Variants in UBP1 observed in about 807,000 individuals in gnomAD.
The protein encoded by UBP1 is upstream-binding protein 1.
UBP1 carries 22 observed loss-of-function variants against 76.1 expected under a neutral mutation model. That is an observed-to-expected ratio of 0.29 (90% CI 0.21 to 0.41). UBP1 has a LOEUF of 0.41. Ranked by LOEUF, UBP1 falls within the 10% of genes least tolerant of loss-of-function variation. The probability of loss-of-function intolerance (pLI) is 1.00; values close to 1 mark genes in which losing one functional copy is unlikely to be tolerated. For missense variants in UBP1, 436 were observed against 668.1 expected (o/e 0.65, Z 3.83); for synonymous variants, 224 against 237.1 (o/e 0.94, Z 0.51).
intron 4 of UBP1, 21 bp downstream of exon 4, chr3:33,412,701 T>A (rs1043945189): frequency 2.0e-6 from 3 of 1,476,084 alleles, no homozygotes; most frequent in Non-Finnish European, 1.9e-6. Flanking sequence ...ATCTCCATGG[T>A]CTTTTGATCA....
chr3:33,399,089 A>T (rs1238078343), intron 11 of UBP1, among the ~76,000 whole-genome samples: 1 of 152,260 alleles, frequency 6.6e-6, no homozygotes, highest in African/African-American at 2.4e-5. Context: ...GAGTGTGTGC[A>T]CACACAAGTT....
At position 33,396,215 on chromosome 3, in the gene UBP1, C is replaced by G. The variant is rs1559667623; in HGVS notation, c.1337G>C (p.Gly446Ala). ...TGCACTGCTTGCAGCTTGCTGCTGCCCTTGCAGCACTGTGCTGCTTGGCTG... is the reference window on the plus strand; with the variant it reads ...TGCACTGCTTGCAGCTTGCTGCTGCGCTTGCAGCACTGTGCTGCTTGGCTG... ...REQPSSTVLQ[G>A]QQQAASSASE... The change falls in exon 13 of 16, where the codon GGG becomes GCG. Residue 446 changes from glycine to alanine, a missense_variant. By Grantham distance (60) the Gly-to-Ala change is moderately conservative. Around this residue, in one of 3 missense-constraint regions of UBP1, gnomAD observed 210 missense variants for 272.8 expected, o/e 0.77. Transcript: ENST00000283629. The G allele has an allele frequency of 1.3e-6, 2 of 1,594,970 alleles. No individual in the cohort carries two copies. The highest frequency in any genetic ancestry group is 1.7e-6 in the Non-Finnish European group (2 of 1,164,638).
intron 8 of UBP1, among the ~76,000 whole-genome samples, chr3:33,407,586 G>A (rs1463327237): frequency 6.7e-6 from 1 of 150,236 alleles, no homozygotes; most frequent in Non-Finnish European, 1.5e-5. Context: ...AAAATGTAAC[G>A]TGTGCTTCCA....
intron 1 of UBP1, among the ~76,000 whole-genome samples, chr3:33,428,848 A>G (rs983399485): frequency 2.7e-5 from 4 of 148,336 alleles, no homozygotes; most frequent in African/African-American, 1.0e-4. Flanking sequence ...CTGCTCTTCA[A>G]CCCCTCTTCT....
At chr3:33,427,769 C>T (rs148225502) in intron 1 of UBP1, among the ~76,000 whole-genome samples, 1,997 of 152,342 alleles carry the variant, frequency 0.013, 26 homozygotes, top group Middle Eastern at 0.065. Flanking sequence ...CTCCTACGTA[C>T]ACAAGTAATA....
upstream of UBP1, chr3:33,440,887 C>A (rs983513286): frequency 2.0e-5 from 3 of 152,264 alleles, no homozygotes. Flanking sequence ...CTGCTTTATG[C>A]CCTCTCTACC....
At chr3:33,429,845 CAG>C (rs2045084096) in intron 1 of UBP1, among the ~76,000 whole-genome samples, 1 of 152,194 alleles carries the variant, frequency 6.6e-6, no homozygotes, top group African/African-American at 2.4e-5. Flanking sequence ...TAGTGTGAGG[CAG>C]AGACTGCACT....
At chr3:33,420,479 C>CA (rs2044859283) in intron 2 of UBP1, among the ~76,000 whole-genome samples, 1 of 148,506 alleles carries the variant, frequency 6.7e-6, no homozygotes, top group Admixed American at 6.8e-5. Flanking sequence ...GTGTGTGCCA[C>CA]CATACTGGCT....
At chr3:33,390,597 C>A (rs967439063) in intron 15 of UBP1, 30 of 580,888 alleles carry the variant, frequency 5.2e-5, no homozygotes, top group Non-Finnish European at 7.7e-5. Context: ...CTATCAACGC[C>A]CGCATTCCAA....
Position 33,400,343 on chromosome 3 carries a change from A to G in UBP1, c.1087-61T>C, listed in dbSNP as rs534641104. 4.5e-5 allele frequency: 61 copies of G among 1,344,574 alleles called. 2 individuals are homozygous for G. In the South Asian group the frequency reaches 8.4e-4, roughly 19 times the overall value. 83.3% of individuals were successfully genotyped at this position (1,344,574 alleles called of 1,614,324 possible). On this transcript the variant is annotated intron_variant, in intron 10 of 15. Transcript: ENST00000283629. ...CCATTCAGACTTAGAACATTTAAAC[A>G]AAACACAGAAAGCCTCGGAGTCTGA...
intron 10 of UBP1, among the ~76,000 whole-genome samples, chr3:33,400,583 C>A (rs181512424): frequency 6.6e-6 from 1 of 152,156 alleles, no homozygotes; most frequent in East Asian, 1.9e-4. Context: ...CACAGAAAGA[C>A]TTATATTCTC....
intron 8 of UBP1, 21 bp downstream of exon 8, chr3:33,408,669 A>T: frequency 6.3e-7 from 1 of 1,597,260 alleles, no homozygotes; most frequent in Non-Finnish European, 8.5e-7. Flanking sequence ...CACAATGAAA[A>T]GAGAAGCAGA....
At chr3:33,431,696 C>T (rs1411305581) in intron 1 of UBP1, among the ~76,000 whole-genome samples, 2 of 150,982 alleles carry the variant, frequency 1.3e-5, no homozygotes, top group African/African-American at 4.9e-5. Context: ...GCCAAGATTG[C>T]GCCACTGCAC....
intron 2 of UBP1, among the ~76,000 whole-genome samples, chr3:33,418,903 T>C (rs1466069533): frequency 3.4e-5 from 5 of 145,306 alleles, no homozygotes; most frequent in Non-Finnish European, 7.6e-5. Flanking sequence ...AAATGTCCAG[T>C]ATCCCTAGAA....
At chr3:33,433,426 G>A (rs2045149007) in intron 1 of UBP1, among the ~76,000 whole-genome samples, 1 of 149,832 alleles carries the variant, frequency 6.7e-6, no homozygotes, top group African/African-American at 2.5e-5. Flanking sequence ...AGTCCGAGGC[G>A]GGCAGATCAC....
chr3:33,424,991 G>A (rs1271345988), intron 2 of UBP1, among the ~76,000 whole-genome samples: 3 of 151,986 alleles, frequency 2.0e-5, no homozygotes, highest in Admixed American at 6.6e-5. Flanking sequence ...GTTGCAGTGT[G>A]CCGAGATTGC....
At chr3:33,421,059 C>T (rs2154058749) in intron 2 of UBP1, among the ~76,000 whole-genome samples, 1 of 152,312 alleles carries the variant, frequency 6.6e-6, no homozygotes, top group East Asian at 1.9e-4. Flanking sequence ...GATCAGAAGT[C>T]TCACTCATAT....
chr3:33,417,536 A>G (rs2044760775), intron 2 of UBP1, among the ~76,000 whole-genome samples: 2 of 152,134 alleles, frequency 1.3e-5, no homozygotes, highest in Non-Finnish European at 2.9e-5. Context: ...GACTAAACCA[A>G]ATTTTGTTTA....
At position 33,425,739 on chromosome 3, in the gene UBP1, T is replaced by C; in HGVS notation, c.116A>G (p.Asp39Gly). 6.3e-7 allele frequency: 1 copy of C among 1,576,152 alleles called. No individual in the cohort carries two copies. Among genetic ancestry groups the C allele is most frequent in the Non-Finnish European group, 8.7e-7 (1 of 1,151,104 alleles). Residue 39 changes from aspartate to glycine, a missense_variant and splice_region_variant, in exon 2 of 16, where the codon GAT (aspartate) becomes GGT (glycine). Asp to Gly is a moderately conservative substitution (Grantham distance 94, BLOSUM62 -1). This residue lies in a region of UBP1 where 161 missense variants were observed against 237.9 expected (regional missense o/e 0.68). Coordinates refer to ENST00000283629, the MANE Select transcript of UBP1 (RefSeq NM_014517.5). ...CTTGAAAATGGGCAATGCCAAGACA[T>C]CACTGAAAAGCAAAAAATCAACACT... Reference protein sequence around the residue: ...ELGAGAYSMSDVLALPIFKQE... With the variant: ...ELGAGAYSMSGVLALPIFKQE...
Sources: gnomAD v4.1 joint callset for allele counts (sites outside exome capture counted in the v4.1 genomes callset) on GRCh38, gnomAD v4.1.1 for gene constraint, gnomAD v4.1.1 regional missense constraint, MANE v1.5 for transcripts, NCBI Gene and HGNC (gene_info 2026-07-23, HGNC 2026-07-21) for gene names.